The following EIF3A variants were observed in gnomAD, a reference collection of about 807,000 sequenced individuals.
EIF3A encodes the protein eukaryotic translation initiation factor 3 subunit A, also known as EIF3, p180 subunit.
Under a neutral mutation model 186.6 loss-of-function variants are expected in EIF3A, and 21 were observed. The ratio of observed to expected loss-of-function variants is 0.11; its 90% CI spans 0.08 to 0.16. The LOEUF (loss-of-function observed/expected upper bound fraction) is 0.16. EIF3A is among the 10% of genes least tolerant of loss of function. The pLI is 1.00. For synonymous variants in EIF3A, 563 were observed against 584.3 expected, an observed-to-expected ratio of 0.96 and a Z score of 0.52; for missense variants, 1,306 against 1,796.3, an observed-to-expected ratio of 0.73 and a Z score of 4.93.
chr10:119,073,396 C>A (rs758678320), intron 3 of EIF3A, 45 bp downstream of exon 3: 3 of 1,427,178 alleles, frequency 2.1e-6, no homozygotes, highest in Non-Finnish European at 2.9e-6. Flanking sequence ...AAAGAAAACA[C>A]CAAGTTAACT....
intron 17 of EIF3A, among the ~76,000 whole-genome samples, chr10:119,044,595 TC>T (rs1785908027): frequency 6.6e-6 from 1 of 152,202 alleles, no homozygotes; most frequent in African/African-American, 2.4e-5. Flanking sequence ...ACGCCTGTAA[TC>T]CCAGCAGTTT....
intron 17 of EIF3A, among the ~76,000 whole-genome samples, chr10:119,046,881 T>C (rs547700897): frequency 6.6e-6 from 1 of 152,034 alleles, no homozygotes; most frequent in South Asian, 2.1e-4. Flanking sequence ...CACTTGAACC[T>C]GGAAGGTGGA....
At chr10:119,072,233 T>C (rs1844087463) in intron 4 of EIF3A, among the ~76,000 whole-genome samples, 1 of 90,594 alleles carries the variant, frequency 1.1e-5, no homozygotes, top group South Asian at 4.9e-4. Flanking sequence ...AGTAGAGAAC[T>C]CAAGTTCACT....
At position 119,059,313 on chromosome 10, in the gene EIF3A, G is replaced by A. The variant is rs769698715; in HGVS notation, c.1528C>T (p.His510Tyr). ...ATREDAPIGPHLQSMPSEQIR... is the reference protein window; with the variant it reads ...ATREDAPIGPYLQSMPSEQIR... The stretch of plus-strand genomic sequence containing the variant: ...TGCTCTGAAGGCATGCTTTGCAAAT[G>A]AGGACCAATCGGAGCATCTTCTCGA... Residue 510 changes from histidine to tyrosine, a missense_variant, in exon 11 of 22, where the codon CAT becomes TAT. Physicochemically the swap from His to Tyr is moderately conservative, Grantham distance 83. Around this residue, in one of 8 missense-constraint regions of EIF3A, gnomAD observed 267 missense variants for 367.8 expected, o/e 0.73. Transcript: ENST00000369144. The A allele has an allele frequency of 3.1e-6, 5 of 1,613,494 alleles. No individual in the cohort carries two copies. In the East Asian group the frequency reaches 6.7e-5, roughly 22 times the overall value.
At chr10:119,079,560 G>C (rs1302092090) in intron 1 of EIF3A, among the ~76,000 whole-genome samples, 1 of 151,578 alleles carries the variant, frequency 6.6e-6, no homozygotes, top group East Asian at 1.9e-4. Flanking sequence ...ATGCCCTAAC[G>C]ATTAGAAAAA....
At chr10:119,048,903 C>T (rs1261357697) in intron 17 of EIF3A, among the ~76,000 whole-genome samples, 3 of 151,986 alleles carry the variant, frequency 2.0e-5, no homozygotes, top group South Asian at 4.2e-4. Context: ...ACTGACTTCG[C>T]GATCCGCACG....
chr10:119,072,480 A>G (rs1367198401), intron 4 of EIF3A, among the ~76,000 whole-genome samples: 2 of 151,288 alleles, frequency 1.3e-5, no homozygotes, highest in Non-Finnish European at 2.9e-5. Context: ...TTTGAGACAG[A>G]GTCTTGCTGT....
Position 119,042,308 on chromosome 10 carries a change from C to T in EIF3A, c.3212G>A (p.Arg1071Gln), listed in dbSNP as rs772338128. The change falls in exon 19 of 22, where the codon CGA becomes CAA. Residue 1071 changes from arginine to glutamine, a missense_variant. By Grantham distance (43) the Arg-to-Gln change is conservative. Transcript: ENST00000369144. The surrounding 1 kb of genome is among the most constrained non-coding windows in gnomAD (Gnocchi z 7.8). The stretch of plus-strand genomic sequence containing the variant: ...GGGACCCCGATCATCATCCAACCCT[C>T]GCCTGGGACCCCGGTCATCATCAGC... Reference protein sequence around the residue: ...RNADDDRGPRRGLDDDRGPRR... With the variant: ...RNADDDRGPRQGLDDDRGPRR... 7 of 1,613,976 alleles carry T rather than the reference C, an allele frequency of 4.3e-6. No homozygotes were observed. The South Asian group carries it at 4.4e-5, about 10-fold the overall frequency.
Position 119,079,389 on chromosome 10 carries a change from C to T in EIF3A, c.49+1239G>A, listed in dbSNP as rs573385553. ...TTCTGCCAAATTATCAGTTTATGTG[C>T]TGACTCAAACTGCCATTTTCATAAG... On this transcript the variant is annotated intron_variant, in intron 1 of 21. Coordinates refer to ENST00000369144, the MANE Select transcript of EIF3A (RefSeq NM_003750.4). Among the ~76,000 whole-genome samples the T allele has an allele frequency of 3.9e-5, 6 of 152,286 alleles. No individual in the cohort carries two copies. In the South Asian group the frequency reaches 1.2e-3, roughly 32 times the overall value.
chr10:119,047,142 C>A (rs376481609), intron 17 of EIF3A, among the ~76,000 whole-genome samples: 25 of 152,206 alleles, frequency 1.6e-4, no homozygotes, highest in African/African-American at 5.8e-4. Context: ...GTGGCACACG[C>A]CAGTAATCCC....
chr10:119,039,095 C>A (rs1848174313), intron 19 of EIF3A, among the ~76,000 whole-genome samples: 2 of 152,178 alleles, frequency 1.3e-5, no homozygotes, highest in Admixed American at 1.3e-4. Flanking sequence ...GCAGAAACTT[C>A]AAGAGTTTTC....
intron 17 of EIF3A, among the ~76,000 whole-genome samples, chr10:119,044,577 G>A (rs925793890): frequency 3.9e-5 from 6 of 152,194 alleles, no homozygotes; most frequent in South Asian, 2.1e-4. Flanking sequence ...GGCCGGGCGC[G>A]GTGGCTCACG....
chr10:119,057,834 G>A (rs181432834), intron 12 of EIF3A, 122 bp downstream of exon 12: 15 of 751,280 alleles, frequency 2.0e-5, no homozygotes, highest in East Asian at 1.5e-4. Context: ...ATTTAGTCAT[G>A]ACCAGCTGTA....
In EIF3A at chr10:119,057,958, C is replaced by G; in HGVS notation, c.1975G>C (p.Glu659Gln). Residue 659 changes from glutamate to glutamine, a missense_variant and splice_region_variant, in exon 12 of 22, where the codon GAA (glutamate) becomes CAA (glutamine). Physicochemically the swap from Glu to Gln is conservative, Grantham distance 29. This residue lies in a region of EIF3A where 94 missense variants were observed against 204.9 expected (regional missense o/e 0.46). Coordinates refer to ENST00000369144, the MANE Select transcript of EIF3A (RefSeq NM_003750.4). ...TTAATAACTAAGATGCTACGTACTT[C>G]AATATCAATATCTTTGAATGCTTTG... The part of the protein sequence containing the change: ...GAKAFKDIDI[E>Q]DLEELDPDFI... 6.2e-7 allele frequency: 1 copy of G among 1,608,792 alleles called. No homozygotes were observed. Among genetic ancestry groups the G allele is most frequent in the East Asian group, 2.2e-5 (1 of 44,854 alleles).
intron 6 of EIF3A, 133 bp from the exon 7 acceptor site, chr10:119,065,703 A>C: frequency 1.6e-6 from 1 of 619,128 alleles, no homozygotes; most frequent in Non-Finnish European, 2.9e-6. Context: ...CACTATACTC[A>C]TAAATATTAT....
chr10:119,060,075 T>C, intron 9 of EIF3A: 1 of 516,120 alleles, frequency 1.9e-6, no homozygotes, highest in Non-Finnish European at 3.8e-6. Context: ...CCTTCAATTA[T>C]TTGTATAGCA....
At chr10:119,074,241 C>CGATT (rs1401811384) in intron 1 of EIF3A, among the ~76,000 whole-genome samples, 1 of 151,940 alleles carries the variant, frequency 6.6e-6, no homozygotes, top group East Asian at 1.9e-4. Flanking sequence ...CGAGGTGGGC[C>CGATT]AATCACTTGA....
In EIF3A at chr10:119,078,712, C is replaced by G. The variant is rs568338072; in HGVS notation, c.49+1916G>C. On this transcript the variant is annotated intron_variant, in intron 1 of 21. Coordinates refer to ENST00000369144, the MANE Select transcript of EIF3A (RefSeq NM_003750.4). ...CACAAACAAAACTCAAGTTTCCCCCCCAGTGTCCCTCATCTTGCCTACTTT... is the reference window on the plus strand; with the variant it reads ...CACAAACAAAACTCAAGTTTCCCCCGCAGTGTCCCTCATCTTGCCTACTTT... Among the ~76,000 whole-genome samples the G allele has an allele frequency of 2.8e-4, 42 of 152,284 alleles. No homozygotes were observed. In the East Asian group the frequency reaches 4.0e-3, roughly 15 times the overall value.
chr10:119,077,392 A>G (rs527313154), intron 1 of EIF3A, among the ~76,000 whole-genome samples: 1 of 152,140 alleles, frequency 6.6e-6, no homozygotes, highest in Non-Finnish European at 1.5e-5. Flanking sequence ...CGGAGGTTGC[A>G]GTGGGCCGAG....
Sources: allele counts gnomAD v4.1 joint callset (sites outside exome capture counted in the v4.1 genomes callset), GRCh38; gene constraint gnomAD v4.1.1; regional missense constraint gnomAD v4.1.1; non-coding constraint Gnocchi (gnomAD v3.1); transcripts MANE v1.5; gene names NCBI Gene and HGNC (gene_info 2026-07-23, HGNC 2026-07-21).